The following PRKN variants were observed in gnomAD, a reference collection of about 807,000 sequenced individuals.
PRKN encodes the protein parkin RBR E3 ubiquitin protein ligase.
A neutral mutation model predicts 59.5 loss-of-function variants in PRKN; 56 were observed. That is an observed-to-expected ratio of 0.94 (90% CI 0.76 to 1.18). The LOEUF (loss-of-function observed/expected upper bound fraction) is 1.18. Among genes scored for constraint, PRKN ranks in the 50% most tolerant of loss-of-function variants. The probability of loss-of-function intolerance (pLI) is 0.00; values close to 1 mark genes in which losing one functional copy is unlikely to be tolerated. For synonymous variants in PRKN, 250 were observed against 222.1 expected (o/e 1.13, Z -1.12); for missense variants, 657 against 596.4 (o/e 1.10, Z -1.06).
At chr6:162,192,242 A>G (rs1208547540) in intron 4 of PRKN, among the ~76,000 whole-genome samples, 1 of 152,114 alleles carries the variant, frequency 6.6e-6, no homozygotes, top group Non-Finnish European at 1.5e-5. Context: ...GCATGTCACT[A>G]CTAACTGACA....
At chr6:161,637,620 C>G (rs552624845) in intron 7 of PRKN, among the ~76,000 whole-genome samples, 6 of 151,556 alleles carry the variant, frequency 4.0e-5, no homozygotes, top group South Asian at 2.1e-4. Context: ...GGCCTGTTGT[C>G]AACTCTAAAG....
chr6:162,563,944 T>C (rs1257996244), intron 1 of PRKN, among the ~76,000 whole-genome samples: 1 of 151,852 alleles, frequency 6.6e-6, no homozygotes, highest in Non-Finnish European at 1.5e-5. Context: ...ATTAGTAAGC[T>C]TGAATACAGA....
chr6:161,693,349 T>C (rs1393712434), intron 7 of PRKN, among the ~76,000 whole-genome samples: 1 of 152,206 alleles, frequency 6.6e-6, no homozygotes, highest in Non-Finnish European at 1.5e-5. Context: ...TTTTATCTTA[T>C]CAGATTTCCT....
At chr6:161,608,280 G>A (rs188377625) in intron 7 of PRKN, among the ~76,000 whole-genome samples, 12 of 152,194 alleles carry the variant, frequency 7.9e-5, no homozygotes, top group Admixed American at 2.0e-4. Context: ...CCAAACCCAA[G>A]TGAACAAGCA....
At chr6:162,402,010 G>C (rs754531856) in intron 2 of PRKN, among the ~76,000 whole-genome samples, 7 of 152,050 alleles carry the variant, frequency 4.6e-5, no homozygotes, top group Non-Finnish European at 8.8e-5. Flanking sequence ...AGCACTTTGA[G>C]AGGCCAAGGC....
chr6:161,772,081 C>A (rs1167600559), intron 7 of PRKN, among the ~76,000 whole-genome samples: 1 of 152,118 alleles, frequency 6.6e-6, no homozygotes, highest in Non-Finnish European at 1.5e-5. Flanking sequence ...GTATTGAATG[C>A]AGCACCACTA....
At chr6:162,431,168 C>A (rs1789505096) in intron 2 of PRKN, among the ~76,000 whole-genome samples, 1 of 136,980 alleles carries the variant, frequency 7.3e-6, no homozygotes, top group African/African-American at 3.0e-5. Context: ...GCATTTATCC[C>A]ATTTAGTTGC....
intron 1 of PRKN, among the ~76,000 whole-genome samples, chr6:162,467,577 T>C (rs148692158): frequency 1.7e-4 from 26 of 152,278 alleles, no homozygotes; most frequent in African/African-American, 6.3e-4. Flanking sequence ...CCTCTCTCCA[T>C]CTGCATTGTC....
chr6:162,402,063 G>A (rs940600247), intron 2 of PRKN, among the ~76,000 whole-genome samples: 7 of 151,976 alleles, frequency 4.6e-5, no homozygotes, highest in South Asian at 2.1e-4. Flanking sequence ...CAGCCTGGCC[G>A]ACATGGCAAA....
At chr6:161,424,815 C>T (rs1225373909) in intron 9 of PRKN, among the ~76,000 whole-genome samples, 3 of 152,126 alleles carry the variant, frequency 2.0e-5, no homozygotes, top group Admixed American at 2.0e-4. Context: ...CCTTATTCTG[C>T]AGTACCTGGA....
rs1310450872 is a variant in PRKN, at chr6:161,359,089, C to T, written c.1285+999G>A. 3.9e-5 allele frequency among the ~76,000 whole-genome samples: 6 copies of T among 152,106 alleles called. No individual in the cohort carries two copies. The highest frequency in any genetic ancestry group is 7.4e-5 in the Non-Finnish European group (5 of 68,020). The stretch of plus-strand genomic sequence containing the variant: ...GATTACAGGCGTGAGCCACCGCGCC[C>T]GGCCGCCTTCTGCTCTTTATAGGTG... On this transcript the variant is annotated intron_variant, in intron 11 of 11. Coordinates refer to ENST00000366898, the MANE Select transcript of PRKN (RefSeq NM_004562.3). The surrounding 1 kb of genome is among the most constrained non-coding windows in gnomAD (Gnocchi z 5.4).
intron 7 of PRKN, among the ~76,000 whole-genome samples, chr6:161,610,598 T>C (rs1782453729): frequency 6.8e-6 from 1 of 146,818 alleles, no homozygotes; most frequent in South Asian, 2.2e-4. Context: ...GAAGAGAAAA[T>C]AAACACCTCA....
intron 9 of PRKN, among the ~76,000 whole-genome samples, chr6:161,516,146 T>C (rs2115344781): frequency 6.6e-6 from 1 of 152,254 alleles, no homozygotes; most frequent in East Asian, 1.9e-4. Flanking sequence ...TTCCAAAGTG[T>C]TACTTTAAGA....
intron 7 of PRKN, among the ~76,000 whole-genome samples, chr6:161,741,747 C>T (rs946686061): frequency 3.3e-5 from 5 of 152,104 alleles, no homozygotes; most frequent in African/African-American, 1.2e-4. Flanking sequence ...CTTACACCAT[C>T]CCAAATTAAT....
At chr6:161,932,446 T>C (rs1779200677) in intron 6 of PRKN, among the ~76,000 whole-genome samples, 1 of 152,228 alleles carries the variant, frequency 6.6e-6, no homozygotes, top group East Asian at 1.9e-4. Flanking sequence ...AATATTAAAT[T>C]AATTGAAAAT....
chr6:162,387,384 A>T (rs1786889123), intron 2 of PRKN, among the ~76,000 whole-genome samples: 1 of 152,110 alleles, frequency 6.6e-6, no homozygotes, highest in Admixed American at 6.6e-5. Flanking sequence ...AAATTCTCTA[A>T]TCTTATTGTG....
In PRKN at chr6:161,393,459, C is replaced by A. The variant is rs184988094; in HGVS notation, c.1084-6582G>T. 6.6e-6 allele frequency among the ~76,000 whole-genome samples: 1 copy of A among 152,138 alleles called. No homozygotes were observed. Among genetic ancestry groups the A allele is most frequent in the South Asian group, 2.1e-4 (1 of 4,836 alleles). On this transcript the variant is annotated intron_variant, in intron 9 of 11. Coordinates refer to ENST00000366898, the MANE Select transcript of PRKN (RefSeq NM_004562.3). The surrounding 1 kb of genome is among the most constrained non-coding windows in gnomAD (Gnocchi z 4.7). ...GTAAGTCACTGTCAGCCCCCTTAGACGCTCTGTACTACCAGAGAGCTATGT... is the reference window on the plus strand; with the variant it reads ...GTAAGTCACTGTCAGCCCCCTTAGAAGCTCTGTACTACCAGAGAGCTATGT...
intron 1 of PRKN, among the ~76,000 whole-genome samples, chr6:162,644,849 T>C (rs2128225302): frequency 6.6e-6 from 1 of 152,336 alleles, no homozygotes; most frequent in African/African-American, 2.4e-5. Flanking sequence ...TGACACTAAA[T>C]AGCTGTATGT....
At chr6:162,642,826 A>G (rs1006234207) in intron 1 of PRKN, among the ~76,000 whole-genome samples, 8 of 151,988 alleles carry the variant, frequency 5.3e-5, no homozygotes. Context: ...TTCTGTAAGA[A>G]TATTTTAAGT....
Sources: allele counts gnomAD v4.1 joint callset (sites outside exome capture counted in the v4.1 genomes callset), GRCh38; gene constraint gnomAD v4.1.1; non-coding constraint Gnocchi (gnomAD v3.1); transcripts MANE v1.5; gene names NCBI Gene and HGNC (gene_info 2026-07-23, HGNC 2026-07-21).